SLC16A7: variants seen among roughly 807,000 people sequenced by gnomAD.
The protein encoded by SLC16A7 is solute carrier family 16 member 7.
A neutral mutation model predicts 34.9 loss-of-function variants in SLC16A7; 33 were observed. That is an observed-to-expected ratio of 0.94 (90% CI 0.72 to 1.26). The LOEUF (loss-of-function observed/expected upper bound fraction) is 1.26, where lower values mean the gene tolerates loss of function less well. SLC16A7 is among the 50% of genes most tolerant of loss of function. The pLI is 0.00. For synonymous variants in SLC16A7, 201 were observed against 206.6 expected (o/e 0.97, Z 0.23); for missense variants, 573 against 578.1 (o/e 0.99, Z 0.09).
At position 59,740,692 on chromosome 12, in the gene SLC16A7, T is replaced by C. The variant is rs559662371; in HGVS notation, c.218-30527T>C. On this transcript the variant is annotated intron_variant, in intron 3 of 5. Transcript: ENST00000547379. Reference sequence around the variant, plus strand: ...CTCTCACCACTCCTATTCAACATAGTGTTGGAAGTTCTGGCCAGGGCAATC... The same window carrying C: ...CTCTCACCACTCCTATTCAACATAGCGTTGGAAGTTCTGGCCAGGGCAATC... Among the ~76,000 whole-genome samples, 91 of 152,212 alleles carry C rather than the reference T, an allele frequency of 6.0e-4. No individual in the cohort carries two copies. In the East Asian group the frequency reaches 9.3e-3, roughly 16 times the overall value.
chr12:59,671,502 T>C lies in SLC16A7; in HGVS notation c.-31+16252T>C, dbSNP rs185694812. On this transcript the variant is annotated intron_variant, in intron 2 of 5. Transcript: ENST00000547379. ...GATTAAAATAGATGATTATAAGATA[T>C]GCACAATTTTCCCAAGCAGTTTTTG... is the stretch of plus-strand genomic sequence containing the variant. Among the ~76,000 whole-genome samples, 154 of 152,084 alleles carry C rather than the reference T, an allele frequency of 1.0e-3. 1 individual carries two copies. Among genetic ancestry groups the C allele is most frequent in the Non-Finnish European group, 1.7e-3 (113 of 67,968 alleles).
chr12:59,632,521 G>C (rs931371296), intron 1 of SLC16A7, among the ~76,000 whole-genome samples: 2 of 151,806 alleles, frequency 1.3e-5, no homozygotes, highest in Non-Finnish European at 2.9e-5. Context: ...ATTCTTTGGG[G>C]CTCATAAATT....
intron 3 of SLC16A7, among the ~76,000 whole-genome samples, chr12:59,755,949 G>A (rs528692842): frequency 4.5e-4 from 69 of 152,180 alleles, no homozygotes; most frequent in African/African-American, 1.4e-3. Flanking sequence ...CAGAAATAAC[G>A]CTGCATATCT....
intron 2 of SLC16A7, among the ~76,000 whole-genome samples, chr12:59,670,970 C>G (rs989914869): frequency 6.6e-6 from 1 of 151,414 alleles, no homozygotes; most frequent in African/African-American, 2.4e-5. Flanking sequence ...TTCATGTCAT[C>G]CTGTCTCTGT....
intron 3 of SLC16A7, among the ~76,000 whole-genome samples, chr12:59,740,548 A>C (rs1055604665): frequency 6.6e-6 from 1 of 152,180 alleles, no homozygotes; most frequent in Non-Finnish European, 1.5e-5. Context: ...TTAGGTATTG[A>C]TGGGACGTAT....
Position 59,786,478 on chromosome 12 carries a change from T to G in SLC16A7, c.*6799T>G, listed in dbSNP as rs2137513711. ...CAAGCTTTTCAATGGTACGATGGAT[T>G]TTATTTTTCTATCATCAACTTTCTA... On this transcript the variant is annotated 3_prime_UTR_variant, in exon 6 of 6. Coordinates refer to ENST00000547379, the MANE Select transcript of SLC16A7 (RefSeq NM_001270623.2). 1 of 152,266 alleles carries G rather than the reference T, an allele frequency of 6.6e-6. No individual in the cohort carries two copies. The highest frequency in any genetic ancestry group is 1.5e-5 in the Non-Finnish European group (1 of 67,996). The allele number at this position is 152,266 out of a possible 1,614,324, so 9.4% of individuals were successfully genotyped here.
At chr12:59,659,475 G>T (rs151178320) in intron 2 of SLC16A7, among the ~76,000 whole-genome samples, 1 of 152,040 alleles carries the variant, frequency 6.6e-6, no homozygotes, top group South Asian at 2.1e-4. Flanking sequence ...TGAGGAAAGA[G>T]AAGCTGCCTT....
At chr12:59,738,587 C>T (rs976563872) in intron 3 of SLC16A7, among the ~76,000 whole-genome samples, 1 of 152,146 alleles carries the variant, frequency 6.6e-6, no homozygotes, top group African/African-American at 2.4e-5. Flanking sequence ...CCTTTGCTGG[C>T]ATTTCAACAT....
At chr12:59,743,194 A>C (rs1428258037) in intron 3 of SLC16A7, among the ~76,000 whole-genome samples, 1 of 152,228 alleles carries the variant, frequency 6.6e-6, no homozygotes, top group African/African-American at 2.4e-5. Context: ...TGCCGGCACT[A>C]AAGAAAGAGG....
chr12:59,744,188 G>A (rs1053226598), intron 3 of SLC16A7, among the ~76,000 whole-genome samples: 3 of 152,156 alleles, frequency 2.0e-5, no homozygotes, highest in Admixed American at 6.5e-5. Flanking sequence ...CCCAAAATGA[G>A]AACATACATT....
At chr12:59,768,013 A>G in intron 3 of SLC16A7, 1 of 359,638 alleles carries the variant, frequency 2.8e-6, no homozygotes, top group South Asian at 2.2e-5. Context: ...TAATGGATGC[A>G]GCACACCAAC....
At position 59,657,886 on chromosome 12, in the gene SLC16A7, C is replaced by T. The variant is rs182833516; in HGVS notation, c.-31+2636C>T. On this transcript the variant is annotated intron_variant, in intron 2 of 5. Transcript: ENST00000547379. ...AAGACATATTTACTCTTTCTAGCTA[C>T]CCACACACAAAGGCCAGTTGCAGCA... 3.9e-3 allele frequency among the ~76,000 whole-genome samples: 586 copies of T among 152,044 alleles called. 3 individuals are homozygous for T. The highest frequency in any genetic ancestry group is 0.013 in the African/African-American group (559 of 41,526).
At chr12:59,748,096 G>A (rs1879092564) in intron 3 of SLC16A7, among the ~76,000 whole-genome samples, 1 of 152,084 alleles carries the variant, frequency 6.6e-6, no homozygotes, top group East Asian at 1.9e-4. Flanking sequence ...CCAGCTACTC[G>A]GAAGGCTGAG....
chr12:59,662,357 A>G (rs1046799624), intron 2 of SLC16A7, among the ~76,000 whole-genome samples: 2 of 152,098 alleles, frequency 1.3e-5, no homozygotes, highest in Non-Finnish European at 2.9e-5. Flanking sequence ...TTAATAACCT[A>G]TTCCAAGGGC....
chr12:59,604,593 A>G (rs566532590), intron 1 of SLC16A7, among the ~76,000 whole-genome samples: 8 of 152,322 alleles, frequency 5.3e-5, no homozygotes, highest in East Asian at 3.9e-4. Context: ...GAACACTTCT[A>G]TATTTAATAC....
rs1416141606 is a variant in SLC16A7, at chr12:59,628,022, C to G, written c.-129-27130C>G. ...TCTTACTATCACATGTAAATTTTCACTAAACCCTTAAGACTCTGGGTATCT... is the reference window on the plus strand; with the variant it reads ...TCTTACTATCACATGTAAATTTTCAGTAAACCCTTAAGACTCTGGGTATCT... On this transcript the variant is annotated intron_variant, in intron 1 of 5. Coordinates refer to ENST00000547379, the MANE Select transcript of SLC16A7 (RefSeq NM_001270623.2). Among the ~76,000 whole-genome samples, 4 of 151,880 alleles carry G rather than the reference C, an allele frequency of 2.6e-5. No homozygotes were observed. In the East Asian group the frequency reaches 7.8e-4, roughly 30 times the overall value.
rs145611566 is a variant in SLC16A7 at position 59,648,102 on chromosome 12, G to T, written c.-129-7050G>T. On this transcript the variant is annotated intron_variant, in intron 1 of 5. Coordinates refer to ENST00000547379, the MANE Select transcript of SLC16A7 (RefSeq NM_001270623.2). ...TAAGAAGCCAGGTCAACTGCAGGGG[G>T]TGATTGAGGATATTTAGGGAACTTA... 1.9e-4 allele frequency among the ~76,000 whole-genome samples: 29 copies of T among 152,148 alleles called. No homozygotes were observed. In the East Asian group the frequency reaches 5.6e-3, roughly 30 times the overall value.
In SLC16A7 at chr12:59,786,681, C is replaced by T. The variant is rs1364667956; in HGVS notation, c.*7002C>T. ...TCAACCCTCAGTTTTGATAGGTATC[C>T]ACATTTTTACCATATAAAACTAGAC... On this transcript the variant is annotated 3_prime_UTR_variant, in exon 6 of 6. Transcript: ENST00000547379. 1 of 151,920 alleles carries T rather than the reference C, an allele frequency of 6.6e-6. No homozygotes were observed. The highest frequency in any genetic ancestry group is 6.6e-5 in the Admixed American group (1 of 15,218). 9.4% of individuals were successfully genotyped at this position (151,920 alleles called of 1,614,324 possible). A position where few individuals can be genotyped will look rare whatever the true frequency, so the allele number is the denominator to read the frequency against.
chr12:59,702,256 C>T (rs2137130941), intron 2 of SLC16A7, among the ~76,000 whole-genome samples: 1 of 152,002 alleles, frequency 6.6e-6, no homozygotes, highest in South Asian at 2.1e-4. Context: ...TATTATACAT[C>T]TTCAAAGATA....
Sources: gnomAD v4.1 joint callset for allele counts (sites outside exome capture counted in the v4.1 genomes callset) on GRCh38, gnomAD v4.1.1 for gene constraint, MANE v1.5 for transcripts, NCBI Gene and HGNC (gene_info 2026-07-23, HGNC 2026-07-21) for gene names.